CENPH: variants seen among roughly 807,000 people sequenced by gnomAD.
CENPH encodes CENP-H.
Under a neutral mutation model 42.9 loss-of-function variants are expected in CENPH, and 40 were observed. The ratio of observed to expected loss-of-function variants is 0.93; its 90% confidence interval spans 0.72 to 1.21. The LOEUF is 1.21. CENPH is among the 50% of genes most tolerant of loss of function. The pLI, the probability that CENPH is intolerant of heterozygous loss-of-function variation, is 0.00. For missense variants in CENPH, 302 were observed against 292.9 expected, an observed-to-expected ratio of 1.03 and a Z score of -0.23; for synonymous variants, 88 against 96.5, an observed-to-expected ratio of 0.91 and a Z score of 0.52.
chr5:69,198,776 T>A (rs1182444938), intron 5 of CENPH, among the ~76,000 whole-genome samples: 1 of 151,916 alleles, frequency 6.6e-6, no homozygotes, highest in African/African-American at 2.4e-5. Flanking sequence ...CTACAAAAAA[T>A]TTTTAAAAAT....
chr5:69,194,566 G>A, intron 2 of CENPH, 81 bp from the exon 3 acceptor site: 1 of 724,108 alleles, frequency 1.4e-6, no homozygotes, highest in Non-Finnish European at 2.3e-6. Context: ...GATGTCTTTT[G>A]CCCTTGTGGC....
chr5:69,195,416 A>AT (rs2112083998), intron 3 of CENPH, among the ~76,000 whole-genome samples: 1 of 151,714 alleles, frequency 6.6e-6, no homozygotes, highest in Admixed American at 6.6e-5. Context: ...CCTTTCCTTT[A>AT]TTTTTCCAAA....
chr5:69,200,632 T>C (rs1748041756), intron 5 of CENPH, among the ~76,000 whole-genome samples: 1 of 151,732 alleles, frequency 6.6e-6, no homozygotes, highest in Admixed American at 6.6e-5. Flanking sequence ...TTCTACAGTG[T>C]TTTTCACACC....
chr5:69,201,334 T>G (rs1480426096), intron 5 of CENPH, among the ~76,000 whole-genome samples: 2 of 152,226 alleles, frequency 1.3e-5, no homozygotes, highest in Admixed American at 6.5e-5. Flanking sequence ...TATTTGTTAC[T>G]GCGCTATAGT....
chr5:69,204,403 A>G (rs1748113165), intron 7 of CENPH, among the ~76,000 whole-genome samples: 1 of 149,446 alleles, frequency 6.7e-6, no homozygotes, highest in Non-Finnish European at 1.5e-5. Context: ...CCATCCTCCC[A>G]CCTCAGCTCC....
chr5:69,199,710 C>T (rs1004022748), intron 5 of CENPH, among the ~76,000 whole-genome samples: 1 of 152,108 alleles, frequency 6.6e-6, no homozygotes, highest in African/African-American at 2.4e-5. Context: ...ACAGTTGTAA[C>T]TTTCTCAAGC....
intron 2 of CENPH, among the ~76,000 whole-genome samples, chr5:69,192,238 G>A (rs1175804851): frequency 6.6e-6 from 1 of 152,196 alleles, no homozygotes; most frequent in Non-Finnish European, 1.5e-5. Context: ...TATGCTAAGT[G>A]TGCTGAAGGA....
intron 7 of CENPH, among the ~76,000 whole-genome samples, chr5:69,206,783 T>C (rs906533767): frequency 6.6e-6 from 1 of 152,164 alleles, no homozygotes; most frequent in African/African-American, 2.4e-5. Context: ...CATGAGTCAC[T>C]GCACCCTGCT....
intron 7 of CENPH, chr5:69,207,686 G>GT (rs1182322223): frequency 1.3e-5 from 2 of 151,690 alleles, no homozygotes; most frequent in Non-Finnish European, 2.9e-5. Flanking sequence ...GTGGGCGCCT[G>GT]TAATCCCAGC....
intron 1 of CENPH, among the ~76,000 whole-genome samples, chr5:69,190,480 A>C (rs183770100): frequency 6.6e-6 from 1 of 152,338 alleles, no homozygotes; most frequent in African/African-American, 2.4e-5. Flanking sequence ...GAGTAGCTAA[A>C]ACAGAGACCG....
rs560414425 is a variant in CENPH at position 69,203,039 on chromosome 5, C to T, written c.487+69C>T. ...TTTATAGATTGATAAGGCCAGATCT[C>T]TTAGCCACTGAGAAATTTCCTAATT... On this transcript the variant is annotated intron_variant, in intron 7 of 8. Coordinates refer to ENST00000283006, the MANE Select transcript of CENPH (RefSeq NM_022909.4). 8.8e-6 allele frequency: 9 copies of T among 1,019,516 alleles called. No homozygotes were observed. In the Admixed American group the frequency reaches 1.9e-4, roughly 21 times the overall value. 63.2% of individuals were successfully genotyped at this position (1,019,516 alleles called of 1,614,324 possible). A position where few individuals can be genotyped will look rare whatever the true frequency, so the allele number is the denominator to read the frequency against.
At chr5:69,203,927 T>A in intron 7 of CENPH, among the ~76,000 whole-genome samples, 1 of 147,900 alleles carries the variant, frequency 6.8e-6, no homozygotes, top group African/African-American at 2.5e-5. Context: ...TTGGTATTTA[T>A]CAGTCTAGAC....
intron 1 of CENPH, among the ~76,000 whole-genome samples, chr5:69,190,775 A>G (rs1314601777): frequency 6.6e-6 from 1 of 152,156 alleles, no homozygotes. Context: ...CTGTAATCCC[A>G]GCTACTCAGG....
At chr5:69,190,364 G>C (rs888953911) in intron 1 of CENPH, among the ~76,000 whole-genome samples, 1 of 152,134 alleles carries the variant, frequency 6.6e-6, no homozygotes, top group African/African-American at 2.4e-5. Context: ...GCAGGGAAAA[G>C]ATCATAAAAA....
intron 2 of CENPH, among the ~76,000 whole-genome samples, chr5:69,193,797 A>C (rs1400325053): frequency 6.6e-6 from 1 of 150,778 alleles, no homozygotes; most frequent in Non-Finnish European, 1.5e-5. Context: ...GATTACAGGC[A>C]CCTGCCACCA....
In CENPH at chr5:69,209,638, A is replaced by G. The variant is rs879497263; in HGVS notation, c.652-69A>G. The G allele has an allele frequency of 9.9e-6, 7 of 709,170 alleles. No individual in the cohort carries two copies. In the Admixed American group the frequency reaches 1.3e-4, roughly 14 times the overall value. 43.9% of individuals were successfully genotyped at this position (709,170 alleles called of 1,614,324 possible). Reference sequence around the variant, plus strand: ...AATTACTTGATAAGATTCATGAAAAATGATATTCTAAAATCTTGTTAAATT... The same window carrying G: ...AATTACTTGATAAGATTCATGAAAAGTGATATTCTAAAATCTTGTTAAATT... On this transcript the variant is annotated intron_variant, in intron 8 of 8. Transcript: ENST00000283006.
chr5:69,208,010 A>G, intron 7 of CENPH, 186 bp from the exon 8 acceptor site: 1 of 386,078 alleles, frequency 2.6e-6, no homozygotes, highest in South Asian at 4.7e-5. Flanking sequence ...TACGAAATTA[A>G]AATATTGTTA....
At position 69,189,736 on chromosome 5, in the gene CENPH, G is replaced by A. The variant is rs1306796949; in HGVS notation, c.102G>A (p.Ala34=). 2 of 1,549,970 alleles carry A rather than the reference G, an allele frequency of 1.3e-6. No homozygotes were observed. The highest frequency in any genetic ancestry group is 2.4e-5 in the East Asian group (1 of 42,080). Residue 34 remains alanine (A), a synonymous_variant, in exon 1 of 9, where the codon GCG becomes GCA. Transcript: ENST00000283006. ...GPPQVAGAQA[A]CSEDRMTLLL... The stretch of plus-strand genomic sequence containing the variant: ...CGCAGGTCGCCGGCGCCCAGGCGGC[G>A]TGCAGCGAGGACCGCATGACCCTGC...
At chr5:69,199,307 T>G (rs1748017752) in intron 5 of CENPH, among the ~76,000 whole-genome samples, 1 of 152,218 alleles carries the variant, frequency 6.6e-6, no homozygotes, top group South Asian at 2.1e-4. Flanking sequence ...CCCAGGTAGC[T>G]GGGACTACAG....
Sources: allele counts gnomAD v4.1 joint callset (sites outside exome capture counted in the v4.1 genomes callset), GRCh38; gene constraint gnomAD v4.1.1; transcripts MANE v1.5; gene names NCBI Gene and HGNC (gene_info 2026-07-23, HGNC 2026-07-21).